Variants in PKN2 observed in about 807,000 individuals in gnomAD.
The protein encoded by PKN2 is serine/threonine-protein kinase N2.
In PKN2, 38 loss-of-function variants were observed where a neutral mutation model predicts 119.1. The observed-to-expected ratio is 0.32, with a 90% CI of 0.25 to 0.42. The LOEUF is 0.42. PKN2 is among the 10% of genes least tolerant of loss of function. The pLI is 1.00. For missense variants in PKN2, 850 were observed against 1,165.1 expected, an observed-to-expected ratio of 0.73 and a Z score of 3.94; for synonymous variants, 390 against 384.9, an observed-to-expected ratio of 1.01 and a Z score of -0.15.
chr1:88,714,678 A>G (rs1667374119), intron 1 of PKN2, among the ~76,000 whole-genome samples: 1 of 152,162 alleles, frequency 6.6e-6, no homozygotes, highest in South Asian at 2.1e-4. Flanking sequence ...TGGGGCTGAG[A>G]CGATGGGGTT....
At chr1:88,755,668 C>T (rs914182925) in intron 2 of PKN2, among the ~76,000 whole-genome samples, 3 of 151,996 alleles carry the variant, frequency 2.0e-5, no homozygotes, top group Admixed American at 6.6e-5. Context: ...TTACAGTAAC[C>T]GTCAATTTGT....
Position 88,784,802 on chromosome 1 carries a change from T to A in PKN2, c.1149T>A (p.Leu383=). Residue 383 remains leucine (L), a synonymous_variant, in exon 7 of 22, where the codon CTT becomes CTA. Transcript: ENST00000370521. ...GTAAAAGCGGAAGTAGTCGAAATCTTCTAAAAACCGATGACTTGTCCAGTT... is the reference window on the plus strand; with the variant it reads ...GTAAAAGCGGAAGTAGTCGAAATCTACTAAAAACCGATGACTTGTCCAGTT... The part of the protein sequence containing the change: ...SKSKSGSSRN[L]LKTDDLSNDV... The A allele has an allele frequency of 1.3e-6, 2 of 1,592,024 alleles. No individual in the cohort carries two copies. The highest frequency in any genetic ancestry group is 1.7e-6 in the Non-Finnish European group (2 of 1,161,632).
chr1:88,757,813 T>C (rs1293189330), intron 2 of PKN2, among the ~76,000 whole-genome samples: 1 of 151,118 alleles, frequency 6.6e-6, no homozygotes, highest in African/African-American at 2.4e-5. Flanking sequence ...GAGGCTGAGG[T>C]AGGTGGATCA....
At chr1:88,689,985 T>C (rs1048017034) in intron 1 of PKN2, among the ~76,000 whole-genome samples, 1 of 152,362 alleles carries the variant, frequency 6.6e-6, no homozygotes, top group South Asian at 2.1e-4. Context: ...GAATTAAACA[T>C]ACTAAATAAC....
intron 16 of PKN2, among the ~76,000 whole-genome samples, chr1:88,819,213 G>T (rs140988561): frequency 3.3e-5 from 5 of 152,176 alleles, no homozygotes; most frequent in African/African-American, 9.6e-5. Context: ...CACAGCAAAA[G>T]AAACTGTCGT....
At chr1:88,772,333 T>C (rs1014283196) in intron 6 of PKN2, among the ~76,000 whole-genome samples, 2 of 152,248 alleles carry the variant, frequency 1.3e-5, no homozygotes, top group African/African-American at 4.8e-5. Flanking sequence ...TCACTCACTT[T>C]TAATGTCTGA....
intron 8 of PKN2, among the ~76,000 whole-genome samples, chr1:88,800,629 T>C (rs79231233): frequency 0.04 from 6,053 of 152,312 alleles, 276 homozygotes; most frequent in African/African-American, 0.1. Context: ...GTGAAAATAC[T>C]CTCTGGCACC....
intron 1 of PKN2, among the ~76,000 whole-genome samples, chr1:88,735,183 G>A (rs565039897): frequency 6.6e-6 from 1 of 152,266 alleles, no homozygotes; most frequent in Non-Finnish European, 1.5e-5. Context: ...GTTCGAGACA[G>A]GGTCTCACTC....
chr1:88,756,417 C>G (rs1354197809), intron 2 of PKN2, among the ~76,000 whole-genome samples: 1 of 152,142 alleles, frequency 6.6e-6, no homozygotes, highest in Non-Finnish European at 1.5e-5. Flanking sequence ...TTCTAATTCT[C>G]TGTCTTGTGG....
At chr1:88,783,416 T>C (rs1206858855) in intron 6 of PKN2, among the ~76,000 whole-genome samples, 3 of 152,226 alleles carry the variant, frequency 2.0e-5, no homozygotes, top group African/African-American at 7.2e-5. Flanking sequence ...ATCTCATTTG[T>C]TTCCCATCTC....
At chr1:88,785,972 AG>A in intron 7 of PKN2, 131 bp from the exon 8 acceptor site, 1 of 577,240 alleles carries the variant, frequency 1.7e-6, no homozygotes, top group Non-Finnish European at 3.1e-6. Flanking sequence ...AAGATTCAAA[AG>A]TTTTAATATT....
chr1:88,835,161 A>C lies in PKN2; in HGVS notation c.*1713A>C, dbSNP rs1672892987. Reference sequence around the variant, plus strand: ...CCAGAGATCATTTATATTACCTTCCAAATTGTTTATTACCCAAGATCCTTT... The same window carrying C: ...CCAGAGATCATTTATATTACCTTCCCAATTGTTTATTACCCAAGATCCTTT... On this transcript the variant is annotated 3_prime_UTR_variant, in exon 22 of 22. Transcript: ENST00000370521. 1 of 152,128 alleles carries C rather than the reference A, an allele frequency of 6.6e-6. No homozygotes were observed. Among genetic ancestry groups the C allele is most frequent in the Non-Finnish European group, 1.5e-5 (1 of 67,904 alleles). The allele number at this position is 152,128 out of a possible 1,614,324, so 9.4% of individuals were successfully genotyped here.
Position 88,793,829 on chromosome 1 carries a change from A to G in PKN2, c.1281+7616A>G, listed in dbSNP as rs552302197. The stretch of plus-strand genomic sequence containing the variant: ...TATTATACTGTATTGTTTAGGGAAT[A>G]TTGACAAGAAAAAAAAGTCTACATA... On this transcript the variant is annotated intron_variant, in intron 8 of 21. Coordinates refer to ENST00000370521, the MANE Select transcript of PKN2 (RefSeq NM_006256.4). Among the ~76,000 whole-genome samples, 3 of 152,306 alleles carry G rather than the reference A, an allele frequency of 2.0e-5. No individual in the cohort carries two copies. In the South Asian group the frequency reaches 6.2e-4, roughly 32 times the overall value.
chr1:88,754,289 T>A (rs909566508), intron 2 of PKN2, among the ~76,000 whole-genome samples: 1 of 152,208 alleles, frequency 6.6e-6, no homozygotes, highest in African/African-American at 2.4e-5. Context: ...TTTAAAAAAC[T>A]TAGCTATTTT....
intron 2 of PKN2, among the ~76,000 whole-genome samples, chr1:88,746,133 A>G (rs72724718): frequency 0.067 from 10,193 of 152,166 alleles, 688 homozygotes; most frequent in African/African-American, 0.18. Flanking sequence ...CTTACCTTAT[A>G]CGTTTATAAG....
chr1:88,774,589 CA>C (rs1220199585), intron 6 of PKN2, among the ~76,000 whole-genome samples: 1 of 151,692 alleles, frequency 6.6e-6, no homozygotes, highest in Admixed American at 6.6e-5. Flanking sequence ...AAATTATATA[CA>C]ACAAAAGGGC....
chr1:88,692,225 C>T (rs1666364807), intron 1 of PKN2, among the ~76,000 whole-genome samples: 1 of 151,944 alleles, frequency 6.6e-6, no homozygotes, highest in Non-Finnish European at 1.5e-5. Context: ...TATTCATTAA[C>T]TCTACTTTGG....
intron 8 of PKN2, among the ~76,000 whole-genome samples, chr1:88,793,636 A>G (rs1042133074): frequency 3.3e-5 from 5 of 152,134 alleles, no homozygotes; most frequent in African/African-American, 1.2e-4. Context: ...CTTGGTATCC[A>G]TGGGGAACGA....
chr1:88,684,481 C>A lies in PKN2; in HGVS notation c.-100C>A. On this transcript the variant is annotated 5_prime_UTR_variant, in exon 1 of 22. Coordinates refer to ENST00000370521, the MANE Select transcript of PKN2 (RefSeq NM_006256.4). The stretch of plus-strand genomic sequence containing the variant: ...AATCCCTAGTTGTTTTTTTTTTTTT[C>A]TTTCTCTCCCCTCTCCTCACCCCCA... 99 of 644,566 alleles carry A rather than the reference C, an allele frequency of 1.5e-4. No homozygotes were observed. The highest frequency in any genetic ancestry group is 2.1e-4 in the Non-Finnish European group (85 of 412,716). 39.9% of individuals were successfully genotyped at this position (644,566 alleles called of 1,614,324 possible).
Sources: allele counts gnomAD v4.1 joint callset (sites outside exome capture counted in the v4.1 genomes callset), GRCh38; gene constraint gnomAD v4.1.1; transcripts MANE v1.5; gene names NCBI Gene and HGNC (gene_info 2026-07-23, HGNC 2026-07-21).